Variants in IP6K3 observed in about 807,000 individuals in gnomAD.
The protein encoded by IP6K3 is ATP:1D-myo-inositol-hexakisphosphate phosphotransferase.
IP6K3 carries 20 observed loss-of-function variants against 28.8 expected under a neutral mutation model. That is an observed-to-expected ratio of 0.70 (90% CI 0.49 to 1.01). The LOEUF (loss-of-function observed/expected upper bound fraction) is 1.01. Among genes scored for constraint, IP6K3 ranks in the 50% least tolerant of loss-of-function variants. The pLI is 0.00. For missense variants in IP6K3, 480 were observed against 537.1 expected (o/e 0.89, Z 1.05); for synonymous variants, 213 against 221.3 (o/e 0.96, Z 0.33).
At chr6:33,755,766 G>A in the IP6K3 span, among the ~76,000 whole-genome samples, 1 of 152,244 alleles carries the variant, frequency 6.6e-6, no homozygotes. Context: ...CTCCAGGCCA[G>A]GCACAGATCT....
the IP6K3 span, among the ~76,000 whole-genome samples, chr6:33,753,394 G>A: frequency 1.3e-5 from 2 of 152,184 alleles, no homozygotes; most frequent in African/African-American, 2.4e-5. Flanking sequence ...GCAGAGGGTA[G>A]GAGAGATTAA....
At chr6:33,724,208 C>A (rs919973787) in intron 5 of IP6K3, among the ~76,000 whole-genome samples, 1 of 152,242 alleles carries the variant, frequency 6.6e-6, no homozygotes, top group African/African-American at 2.4e-5. Context: ...ACCTGACAGG[C>A]ATCACTTTCT....
At position 33,726,746 on chromosome 6, in the gene IP6K3, CTG is replaced by C; in HGVS notation, c.572_573del (p.Pro191ArgfsTer35). 1 of 1,596,768 alleles carries C rather than the reference CTG, an allele frequency of 6.3e-7. No homozygotes were observed. Among genetic ancestry groups the C allele is most frequent in the Non-Finnish European group, 8.6e-7 (1 of 1,167,196 alleles). ...GCAAGGATACGATGCCGCTTGTTCT[CTG>C]GGTACTCGGAGCACAGGCGGGTCAG... ...AHLTRLCSEYPENKRHRFLLL... is the reference protein window; with the variant it reads ...AHLTRLCSEYXENKRHRFLLL... On this transcript the variant is annotated frameshift_variant, in exon 4 of 6. Transcript: ENST00000293756. LOFTEE classifies it high-confidence loss of function.
the IP6K3 span, among the ~76,000 whole-genome samples, chr6:33,754,895 A>G: frequency 1.2e-4 from 18 of 152,190 alleles, no homozygotes; most frequent in Admixed American, 6.5e-5. Context: ...AACTCAGTCA[A>G]TCCTCCAGTA....
At chr6:33,745,861 C>T (rs1426011270) in intron 1 of IP6K3, among the ~76,000 whole-genome samples, 2 of 152,140 alleles carry the variant, frequency 1.3e-5, no homozygotes, top group Admixed American at 6.5e-5. Context: ...CGACAAAACT[C>T]GGGCCACTGC....
At chr6:33,734,135 G>A (rs1766420022) in intron 2 of IP6K3, among the ~76,000 whole-genome samples, 2 of 151,024 alleles carry the variant, frequency 1.3e-5, no homozygotes, top group African/African-American at 4.9e-5. Context: ...CCTGGGAGGC[G>A]GAAGTTGCAA....
At chr6:33,737,569 C>A (rs1766572697) in intron 1 of IP6K3, among the ~76,000 whole-genome samples, 2 of 152,234 alleles carry the variant, frequency 1.3e-5, no homozygotes. Flanking sequence ...GAGGCTCCTG[C>A]CAGCCGCCCG....
rs576578939 is a variant in IP6K3 at position 33,726,755 on chromosome 6, C to G, written c.565G>C (p.Glu189Gln). ...CGATGCCGCTTGTTCTCTGGGTACT[C>G]GGAGCACAGGCGGGTCAGGTGGGCC... ...HQAHLTRLCS[E>Q]YPENKRHRFL... The change falls in exon 4 of 6, where the codon GAG becomes CAG. Residue 189 changes from glutamate (E) to glutamine (Q), a missense_variant. By Grantham distance (29) the Glu-to-Gln change is conservative. Coordinates refer to ENST00000293756, the MANE Select transcript of IP6K3 (RefSeq NM_054111.5). 18 of 1,600,256 alleles carry G rather than the reference C, an allele frequency of 1.1e-5. No homozygotes were observed. In the South Asian group the frequency reaches 1.3e-4, roughly 12 times the overall value.
upstream of IP6K3, among the ~76,000 whole-genome samples, chr6:33,747,950 C>T (rs367544493): frequency 4.6e-5 from 7 of 151,376 alleles, no homozygotes; most frequent in African/African-American, 1.2e-4. This position sits in a 1 kb window ranked among gnomAD's most constrained non-coding sequence, Gnocchi z 5.2. Context: ...GCTGGTGGAC[C>T]GGGAGAGAGG....
At chr6:33,751,750 A>T (rs577337196), upstream of IP6K3, among the ~76,000 whole-genome samples, 2 of 152,240 alleles carry the variant, frequency 1.3e-5, no homozygotes, top group South Asian at 4.2e-4. The surrounding 1 kb of genome is among the most constrained non-coding windows in gnomAD (Gnocchi z 4.3). Flanking sequence ...CCCCACTCCT[A>T]ACACGGATTC....
the IP6K3 span, among the ~76,000 whole-genome samples, chr6:33,754,289 T>C: frequency 5.1e-4 from 77 of 151,988 alleles, no homozygotes; most frequent in African/African-American, 1.7e-3. Flanking sequence ...GAGGATTAAC[T>C]TGGGGAATGG....
At chr6:33,735,255 G>T (rs916332747) in intron 2 of IP6K3, 23 bp downstream of exon 2, 1 of 1,598,890 alleles carries the variant, frequency 6.3e-7, no homozygotes, top group Non-Finnish European at 8.6e-7. Flanking sequence ...ACCCAGACGT[G>T]GCCTGGCTGC....
rs991003476 is a variant in IP6K3, at chr6:33,744,117, C to T, written c.-180+2641G>A. Among the ~76,000 whole-genome samples the T allele has an allele frequency of 2.4e-4, 37 of 152,256 alleles. No homozygotes were observed. The highest frequency in any genetic ancestry group is 2.2e-3 in the Admixed American group (33 of 15,286). Reference sequence around the variant, plus strand: ...CTGCGAGGGCTTCTCCCTCTTGGCCCCCTAATAGATCCTGACCCCTGGACA... The same window carrying T: ...CTGCGAGGGCTTCTCCCTCTTGGCCTCCTAATAGATCCTGACCCCTGGACA... On this transcript the variant is annotated intron_variant, in intron 1 of 5. Coordinates refer to ENST00000293756, the MANE Select transcript of IP6K3 (RefSeq NM_054111.5). This position sits in a 1 kb window ranked among gnomAD's most constrained non-coding sequence, Gnocchi z 4.4.
At chr6:33,754,011 G>A in the IP6K3 span, among the ~76,000 whole-genome samples, 10 of 152,054 alleles carry the variant, frequency 6.6e-5, no homozygotes, top group South Asian at 4.2e-4. Context: ...GGGTTTCACC[G>A]TGTTAGCCAG....
intron 1 of IP6K3, among the ~76,000 whole-genome samples, chr6:33,737,439 A>G (rs543455133): frequency 1.3e-5 from 2 of 152,302 alleles, no homozygotes; most frequent in East Asian, 1.9e-4. Flanking sequence ...GGATGCCACC[A>G]GGCTGGGCAG....
chr6:33,751,483 C>CGTGTGTGTGTGT (rs762389623), upstream of IP6K3, among the ~76,000 whole-genome samples: 25 of 61,524 alleles, frequency 4.1e-4, no homozygotes, highest in African/African-American at 8.3e-4. This position sits in a 1 kb window ranked among gnomAD's most constrained non-coding sequence, Gnocchi z 4.3. Flanking sequence ...CTCTGCAGGC[C>CGTGTGTGTGTGT]GTGTGTGTGT....
intron 5 of IP6K3, among the ~76,000 whole-genome samples, chr6:33,723,505 C>T (rs1765990213): frequency 6.6e-6 from 1 of 152,236 alleles, no homozygotes; most frequent in African/African-American, 2.4e-5. Context: ...ACCTCCAAAT[C>T]ATGATTTAAG....
the IP6K3 span, among the ~76,000 whole-genome samples, chr6:33,756,257 G>A: frequency 6.6e-6 from 1 of 152,224 alleles, no homozygotes; most frequent in Non-Finnish European, 1.5e-5. Context: ...TGTATTGGGG[G>A]TTTCAGTGTT....
intron 5 of IP6K3, among the ~76,000 whole-genome samples, chr6:33,723,949 A>T (rs919987363): frequency 6.6e-6 from 1 of 152,176 alleles, no homozygotes; most frequent in African/African-American, 2.4e-5. Flanking sequence ...TTCAGATGGC[A>T]CAGGCAGCAG....
Sources: gnomAD v4.1 joint callset for allele counts (sites outside exome capture counted in the v4.1 genomes callset) on GRCh38, gnomAD v4.1.1 for gene constraint, Gnocchi (gnomAD v3.1) non-coding constraint, MANE v1.5 for transcripts, NCBI Gene and HGNC (gene_info 2026-07-23, HGNC 2026-07-21) for gene names.